The following MICAL2 variants were observed in gnomAD, a reference collection of about 807,000 sequenced individuals.
MICAL2 encodes [F-actin]-monooxygenase MICAL2.
In MICAL2, 77 loss-of-function variants were observed where a neutral mutation model predicts 127.3. The ratio of observed to expected loss-of-function variants is 0.60; its 90% CI spans 0.50 to 0.73. The LOEUF (loss-of-function observed/expected upper bound fraction) is 0.73. Ranked by LOEUF, MICAL2 falls within the 30% of genes least tolerant of loss-of-function variation. MICAL2 has a pLI of 0.00. For synonymous variants in MICAL2, 570 were observed against 551.1 expected (o/e 1.03, Z -0.48); for missense variants, 1,351 against 1,434.4 (o/e 0.94, Z 0.94).
intron 24 of MICAL2, among the ~76,000 whole-genome samples, chr11:12,257,477 T>C (rs1389792058): frequency 6.6e-6 from 1 of 152,200 alleles, no homozygotes; most frequent in Non-Finnish European, 1.5e-5. Context: ...GAACGAATGA[T>C]TATTTTCTAA....
At chr11:12,219,345 T>G (rs1391104171) in intron 8 of MICAL2, among the ~76,000 whole-genome samples, 3 of 152,120 alleles carry the variant, frequency 2.0e-5, no homozygotes, top group Non-Finnish European at 4.4e-5. Flanking sequence ...AGGATGGATA[T>G]TCCAGTCCTC....
Position 12,226,199 on chromosome 11 carries a change from G to T in MICAL2, c.1717G>T (p.Ala573Ser). The change falls in exon 14 of 28, where the codon GCT becomes TCT. Residue 573 changes from alanine to serine, a missense_variant. By Grantham distance (99) the Ala-to-Ser change is moderately conservative. Around this residue, in one of 2 missense-constraint regions of MICAL2, gnomAD observed 752 missense variants for 719.4 expected, o/e 1.05. Coordinates refer to ENST00000683283, the MANE Select transcript of MICAL2 (RefSeq NM_001282663.2). The part of the protein sequence containing the change: ...INFDSLNEDD[A>S]VENNQLAFDV... ...CTTTGACTCTTTGAATGAAGATGAT[G>T]CTGTGGAGAACAACCAGCTCGCATT... 6.2e-7 allele frequency: 1 copy of T among 1,614,250 alleles called. No individual in the cohort carries two copies. Among genetic ancestry groups the T allele is most frequent in the African/African-American group, 1.3e-5 (1 of 75,060 alleles).
intron 19 of MICAL2, 87 bp downstream of exon 19, chr11:12,242,519 C>T (rs1860120350): frequency 6.9e-7 from 1 of 1,451,772 alleles, no homozygotes; most frequent in Non-Finnish European, 9.5e-7. Flanking sequence ...GTGGGTTCCT[C>T]CTCCCTCTGC....
chr11:12,178,304 A>G (rs1182590266), intron 3 of MICAL2, among the ~76,000 whole-genome samples: 3 of 152,180 alleles, frequency 2.0e-5, no homozygotes, highest in Non-Finnish European at 4.4e-5. Context: ...ATGTTTGAAG[A>G]GGTTTATTCT....
At chr11:12,152,359 A>G (rs1853691038) in intron 2 of MICAL2, among the ~76,000 whole-genome samples, 1 of 151,584 alleles carries the variant, frequency 6.6e-6, no homozygotes, top group Non-Finnish European at 1.5e-5. Flanking sequence ...ACCAAAGACT[A>G]CATCCTGATG....
chr11:12,239,620 C>T (rs1479479346), intron 17 of MICAL2, 35 bp downstream of exon 17: 1 of 1,603,450 alleles, frequency 6.2e-7, no homozygotes, highest in Non-Finnish European at 8.5e-7. Flanking sequence ...GACCTAACTT[C>T]CTGGTGACTT....
At chr11:12,271,292 C>T (rs1255426352), upstream of MICAL2, among the ~76,000 whole-genome samples, 1 of 152,186 alleles carries the variant, frequency 6.6e-6, no homozygotes, top group Non-Finnish European at 1.5e-5. Context: ...CCATTAGAGT[C>T]CTTCATTCTC....
At chr11:12,180,349 A>ATATATATATATATT (rs11403732) in intron 3 of MICAL2, among the ~76,000 whole-genome samples, 1 of 139,682 alleles carries the variant, frequency 7.2e-6, no homozygotes, top group African/African-American at 2.7e-5. Flanking sequence ...ATATGTATAT[A>ATATATATATATATT]TTTTTTTTTT....
At chr11:12,170,349 C>T (rs1378130955) in intron 3 of MICAL2, among the ~76,000 whole-genome samples, 1 of 151,946 alleles carries the variant, frequency 6.6e-6, no homozygotes. Flanking sequence ...ACTGGGGAGT[C>T]TGAGTGGGGA....
At position 12,121,815 on chromosome 11, in the gene MICAL2, T is replaced by C. The variant is rs75648642; in HGVS notation, c.-149+11089T>C. On this transcript the variant is annotated intron_variant, in intron 1 of 27. Transcript: ENST00000683283. ...ATTTGAGCGGGGCTGGCACCTGTTC[T>C]CTTCCATGTATGTCTCAGGGACACT... Among the ~76,000 whole-genome samples the C allele has an allele frequency of 4.8e-4, 73 of 152,346 alleles. 1 individual carries two copies. The highest frequency in any genetic ancestry group is 1.6e-3 in the African/African-American group (67 of 41,588).
chr11:12,223,413 G>A lies in MICAL2; in HGVS notation c.1452G>A (p.Val484=). 3 of 1,613,708 alleles carry A rather than the reference G, an allele frequency of 1.9e-6. No homozygotes were observed. Among genetic ancestry groups the A allele is most frequent in the Non-Finnish European group, 2.5e-6 (3 of 1,179,664 alleles). Residue 484 remains valine, a splice_region_variant and synonymous_variant, in exon 12 of 28, where the codon GTG becomes GTA. Transcript: ENST00000683283. ...LNSHCVRPHQ[V]KHLYITKELE... ...AAGCATGTCTCTCTTGCTCATAGGT[G>A]AAGCATTTGTATATCACTAAGGAGC...
intron 32 of MICAL2, among the ~76,000 whole-genome samples, chr11:12,341,440 C>T (rs566671849): frequency 1.1e-4 from 16 of 141,552 alleles, no homozygotes; most frequent in African/African-American, 4.2e-4. Flanking sequence ...TTCAGCATTA[C>T]CTACAAAAAA....
exon 1 of MICAL2, chr11:12,276,098 C>A (rs1431513117): frequency 2.5e-6 from 1 of 399,160 alleles, no homozygotes; most frequent in Non-Finnish European, 4.4e-6. Flanking sequence ...TGAGGATCAG[C>A]CCTGGGGAGG....
intron 7 of MICAL2, among the ~76,000 whole-genome samples, chr11:12,215,212 CTT>C (rs2134213925): frequency 6.6e-6 from 1 of 152,300 alleles, no homozygotes; most frequent in South Asian, 2.1e-4. Flanking sequence ...TTCCTTGAAA[CTT>C]TGCTGTGGTT....
At chr11:12,111,649 C>G (rs1298103176) in intron 1 of MICAL2, among the ~76,000 whole-genome samples, 2 of 152,206 alleles carry the variant, frequency 1.3e-5, no homozygotes, top group African/African-American at 4.8e-5. Context: ...TGTAGGGCCC[C>G]GCCAGGCCTA....
rs144319408 is a variant in MICAL2, at chr11:12,201,139, C to T, written c.265-3111C>T. 2.5e-3 allele frequency among the ~76,000 whole-genome samples: 377 copies of T among 152,122 alleles called. 2 individuals carry two copies. The highest frequency in any genetic ancestry group is 4.3e-3 in the Non-Finnish European group (290 of 67,994). On this transcript the variant is annotated intron_variant, in intron 3 of 27. Transcript: ENST00000683283. ...TGGGCTTGGGAAGCGGGGCTTGGTT[C>T]TTTCCCGGTGGCTCTATCCAGAGAG... is the stretch of plus-strand genomic sequence containing the variant.
chr11:12,276,886 G>A (rs567584035), intron 1 of MICAL2, among the ~76,000 whole-genome samples: 18 of 152,290 alleles, frequency 1.2e-4, no homozygotes, highest in East Asian at 7.7e-4. Flanking sequence ...GCGCCAGGTC[G>A]ATAAATAAAA....
intron 3 of MICAL2, among the ~76,000 whole-genome samples, chr11:12,196,844 C>T (rs1860004394): frequency 6.6e-6 from 1 of 152,126 alleles, no homozygotes; most frequent in African/African-American, 2.4e-5. Context: ...TTCACCTTCC[C>T]CACCAACCCC....
At chr11:12,141,089 T>C (rs61875193) in intron 2 of MICAL2, among the ~76,000 whole-genome samples, 6,549 of 152,214 alleles carry the variant, frequency 0.043, 268 homozygotes, top group African/African-American at 0.1. Flanking sequence ...AAATATCCGC[T>C]GGGTCTGCTC....
Sources: gnomAD v4.1 joint callset for allele counts (sites outside exome capture counted in the v4.1 genomes callset) on GRCh38, gnomAD v4.1.1 for gene constraint, gnomAD v4.1.1 regional missense constraint, MANE v1.5 for transcripts, NCBI Gene and HGNC (gene_info 2026-07-23, HGNC 2026-07-21) for gene names.